The following CAMK1D variants were observed in gnomAD, a reference collection of about 807,000 sequenced individuals.
CAMK1D encodes calcium/calmodulin dependent protein kinase ID, also known as calcium/calmodulin-dependent protein kinase type 1D.
A neutral mutation model predicts 47.7 loss-of-function variants in CAMK1D; 9 were observed. The ratio of observed to expected loss-of-function variants is 0.19; its 90% CI spans 0.11 to 0.33. The LOEUF (loss-of-function observed/expected upper bound fraction) is 0.33, where lower values mean the gene tolerates loss of function less well. Among genes scored for constraint, CAMK1D ranks in the 10% least tolerant of loss-of-function variants. The probability of loss-of-function intolerance (pLI) is 1.00; values close to 1 mark genes in which losing one functional copy is unlikely to be tolerated. For missense variants in CAMK1D, 291 were observed against 488.7 expected (o/e 0.60, Z 3.81); for synonymous variants, 184 against 184.9 (o/e 0.99, Z 0.04).
At chr10:12,734,322 CAAAAAAAAAA>C (rs1201573872) in intron 3 of CAMK1D, among the ~76,000 whole-genome samples, 38 of 23,576 alleles carry the variant, frequency 1.6e-3, no homozygotes, top group South Asian at 0.014. Context: ...GACTCCATCT[CAAAAAAAAAA>C]AAAAAAAAAA....
chr10:12,370,018 TTAA>T (rs1180321603), intron 1 of CAMK1D, among the ~76,000 whole-genome samples: 1 of 151,212 alleles, frequency 6.6e-6, no homozygotes, highest in East Asian at 1.9e-4. Context: ...TATTTATTAT[TTAA>T]TAATAATAGC....
chr10:12,641,192 C>T (rs1423684522), intron 2 of CAMK1D, among the ~76,000 whole-genome samples: 4 of 152,160 alleles, frequency 2.6e-5, no homozygotes, highest in East Asian at 1.9e-4. Context: ...TTGTCTCGAA[C>T]GCCTGATGTC....
At chr10:12,545,658 G>A (rs1246049796) in intron 1 of CAMK1D, among the ~76,000 whole-genome samples, 1 of 151,418 alleles carries the variant, frequency 6.6e-6, no homozygotes, top group South Asian at 2.1e-4. Flanking sequence ...AAATTAGCTG[G>A]GCGTGGTGGC....
At chr10:12,761,417 C>G (rs1253860461) in intron 4 of CAMK1D, among the ~76,000 whole-genome samples, 6 of 152,168 alleles carry the variant, frequency 3.9e-5, no homozygotes, top group African/African-American at 1.2e-4. Flanking sequence ...TACAGAAACC[C>G]TCCTCCCGGT....
chr10:12,670,518 A>G (rs919632697), intron 3 of CAMK1D, among the ~76,000 whole-genome samples: 3 of 151,902 alleles, frequency 2.0e-5, no homozygotes, highest in African/African-American at 4.8e-5. Flanking sequence ...TCTGATTTAC[A>G]TACTACACAA....
intron 1 of CAMK1D, among the ~76,000 whole-genome samples, chr10:12,478,308 T>C (rs926967595): frequency 6.6e-6 from 1 of 151,886 alleles, no homozygotes; most frequent in African/African-American, 2.4e-5. Flanking sequence ...GCACCCAACC[T>C]GTACTTATTT....
intron 3 of CAMK1D, among the ~76,000 whole-genome samples, chr10:12,727,668 C>T (rs576549562): frequency 6.6e-6 from 1 of 152,020 alleles, no homozygotes; most frequent in East Asian, 1.9e-4. Context: ...TATTTGATTA[C>T]GTACAAGGGC....
chr10:12,418,252 T>C (rs1421651214), intron 1 of CAMK1D, among the ~76,000 whole-genome samples: 3 of 152,266 alleles, frequency 2.0e-5, no homozygotes, highest in East Asian at 1.9e-4. Context: ...TCAAAACATA[T>C]GATTGCAACG....
At chr10:12,812,102 C>T (rs1287290340) in intron 6 of CAMK1D, among the ~76,000 whole-genome samples, 1 of 152,228 alleles carries the variant, frequency 6.6e-6, no homozygotes, top group East Asian at 1.9e-4. Context: ...CGATGGCTGG[C>T]GATGTGCGTC....
chr10:12,628,003 C>T (rs749014354), intron 2 of CAMK1D, among the ~76,000 whole-genome samples: 1 of 151,830 alleles, frequency 6.6e-6, no homozygotes, highest in Non-Finnish European at 1.5e-5. Flanking sequence ...ATCGCTTGAA[C>T]CTGGAAGGCA....
chr10:12,791,936 A>C lies in CAMK1D; in HGVS notation c.641+703A>C, dbSNP rs944574781. On this transcript the variant is annotated intron_variant, in intron 6 of 10. Transcript: ENST00000619168. ...AGCACCACCAATTTACATTCCCAGC[A>C]GCAAACACAAGGGTTCCAGTTTCTC... is the stretch of plus-strand genomic sequence containing the variant. 5.9e-5 allele frequency among the ~76,000 whole-genome samples: 9 copies of C among 152,346 alleles called. No individual in the cohort carries two copies. In the South Asian group the frequency reaches 1.7e-3, roughly 28 times the overall value.
At chr10:12,457,936 C>T (rs959455141) in intron 1 of CAMK1D, among the ~76,000 whole-genome samples, 9 of 152,112 alleles carry the variant, frequency 5.9e-5, no homozygotes, top group African/African-American at 9.7e-5. Context: ...GAATAGGTGT[C>T]GGAATGCCTC....
At chr10:12,667,017 A>G (rs1840455339) in intron 3 of CAMK1D, 1 of 556,998 alleles carries the variant, frequency 1.8e-6, no homozygotes, top group East Asian at 2.9e-5. Context: ...ACCAGCCTGC[A>G]CTGCTGGGCT....
chr10:12,388,948 G>A (rs560099175), intron 1 of CAMK1D, among the ~76,000 whole-genome samples: 9 of 152,278 alleles, frequency 5.9e-5, no homozygotes, highest in South Asian at 2.1e-4. Context: ...CGTGGCTTGC[G>A]ATTTCACTTG....
chr10:12,624,858 C>T (rs1456462849), intron 2 of CAMK1D, among the ~76,000 whole-genome samples: 1 of 152,196 alleles, frequency 6.6e-6, no homozygotes. Context: ...TTAAATGGCA[C>T]AGCAGGTAGG....
intron 2 of CAMK1D, among the ~76,000 whole-genome samples, chr10:12,555,946 C>T (rs181347179): frequency 6.6e-6 from 1 of 152,304 alleles, no homozygotes; most frequent in East Asian, 1.9e-4. Flanking sequence ...CCCTGCGCCT[C>T]ACTCAAATAA....
chr10:12,565,045 T>C (rs1451664912), intron 2 of CAMK1D, among the ~76,000 whole-genome samples: 1 of 151,928 alleles, frequency 6.6e-6, no homozygotes, highest in Non-Finnish European at 1.5e-5. Flanking sequence ...CCTGTCTCTA[T>C]GGAAAATCAA....
At chr10:12,807,353 T>TGGGTTCC (rs1311380329) in intron 6 of CAMK1D, among the ~76,000 whole-genome samples, 2 of 152,190 alleles carry the variant, frequency 1.3e-5, no homozygotes, top group Non-Finnish European at 2.9e-5. Context: ...GCCACAAGCG[T>TGGGTTCC]GGGTTCCTCT....
At chr10:12,378,219 C>T (rs540126836) in intron 1 of CAMK1D, among the ~76,000 whole-genome samples, 2 of 152,162 alleles carry the variant, frequency 1.3e-5, no homozygotes, top group African/African-American at 4.8e-5. Flanking sequence ...CTGCTCTCTC[C>T]GTCTAAAGCC....
Sources: gnomAD v4.1 joint callset for allele counts (sites outside exome capture counted in the v4.1 genomes callset) on GRCh38, gnomAD v4.1.1 for gene constraint, MANE v1.5 for transcripts, NCBI Gene and HGNC (gene_info 2026-07-23, HGNC 2026-07-21) for gene names.